Variants in RDX observed in about 807,000 individuals in gnomAD.
The protein encoded by RDX is radixin, also known as deafness, autosomal recessive 24.
In RDX, 32 loss-of-function variants were observed where a neutral mutation model predicts 83.7. The ratio of observed to expected loss-of-function variants is 0.38; its 90% CI spans 0.29 to 0.51. The LOEUF (loss-of-function observed/expected upper bound fraction) is 0.51. Among genes scored for constraint, RDX ranks in the 20% least tolerant of loss-of-function variants. RDX has a pLI of 0.87. For synonymous variants in RDX, 229 were observed against 222.7 expected (o/e 1.03, Z -0.25); for missense variants, 600 against 689.9 (o/e 0.87, Z 1.46).
intron 14 of RDX, among the ~76,000 whole-genome samples, chr11:110,211,823 G>A (rs1275008651): frequency 1.3e-4 from 20 of 151,604 alleles, no homozygotes; most frequent in Non-Finnish European, 1.9e-4. Context: ...TCTGTGAGAC[G>A]CATTCAAAGC....
intron 15 of RDX, among the ~76,000 whole-genome samples, chr11:110,177,411 G>A (rs1862797777): frequency 1.3e-5 from 2 of 152,310 alleles, no homozygotes; most frequent in South Asian, 4.1e-4. Flanking sequence ...CAGGGTTGTG[G>A]GATGTTCAGC....
At chr11:110,227,685 A>C (rs1447618059), downstream of RDX, among the ~76,000 whole-genome samples, 4 of 152,134 alleles carry the variant, frequency 2.6e-5, no homozygotes, top group Non-Finnish European at 5.9e-5. Flanking sequence ...AAGGGTCACA[A>C]TCATCCTAAT....
rs569849999 is a variant in RDX at position 110,219,697 on chromosome 11, C to A, written c.1748+12176G>T. Among the ~76,000 whole-genome samples, 3 of 152,100 alleles carry A rather than the reference C, an allele frequency of 2.0e-5. 1 individual carries two copies. Among genetic ancestry groups the A allele is most frequent in the Admixed American group, 1.3e-4 (2 of 15,266 alleles). On this transcript the variant is annotated intron_variant, in intron 14 of 15. Coordinates refer to the RDX transcript ENST00000528498. ...CTAATTAGCTGGAAGAAGGGACTTACCATTCATCAACTGAGAAGGGGAAGA... is the reference window on the plus strand; with the variant it reads ...CTAATTAGCTGGAAGAAGGGACTTAACATTCATCAACTGAGAAGGGGAAGA...
intron 2 of RDX, among the ~76,000 whole-genome samples, chr11:110,279,327 T>A (rs1435107249): frequency 6.6e-6 from 1 of 152,168 alleles, no homozygotes; most frequent in Non-Finnish European, 1.5e-5. Flanking sequence ...ACCATAGTAT[T>A]ATGGTCTGGC....
intron 14 of RDX, among the ~76,000 whole-genome samples, chr11:110,200,644 C>A (rs1391388991): frequency 6.6e-6 from 1 of 152,110 alleles, no homozygotes; most frequent in African/African-American, 2.4e-5. Flanking sequence ...GCAGTTTAAC[C>A]CATAATGAAA....
intron 1 of RDX, among the ~76,000 whole-genome samples, chr11:110,293,625 G>C (rs925239694): frequency 6.6e-5 from 10 of 152,270 alleles, no homozygotes; most frequent in Non-Finnish European, 1.2e-4. Context: ...TTTAAGGGTA[G>C]AGTCCATAGC....
At position 110,195,044 on chromosome 11, in the gene RDX, G is replaced by A. The variant is rs112655499; in HGVS notation, c.*31+4537C>T. 2.0e-3 allele frequency among the ~76,000 whole-genome samples: 300 copies of A among 152,210 alleles called. 1 individual carries two copies. Among genetic ancestry groups the A allele is most frequent in the African/African-American group, 6.9e-3 (286 of 41,522 alleles). The stretch of plus-strand genomic sequence containing the variant: ...CTCGCTTTGTCGTCCAGGCTGGAGC[G>A]CAGTGGTGCGATCTCAGCTCACTGC... On this transcript the variant is annotated intron_variant, in intron 15 of 15. Coordinates refer to the RDX transcript ENST00000528498.
intron 2 of RDX, among the ~76,000 whole-genome samples, chr11:110,274,910 T>C (rs977201692): frequency 2.0e-5 from 3 of 152,226 alleles, no homozygotes; most frequent in Non-Finnish European, 2.9e-5. Flanking sequence ...AGTGTCAGAA[T>C]TTCTCCAGAA....
chr11:110,256,816 T>TA (rs1170745425), intron 7 of RDX, among the ~76,000 whole-genome samples: 1 of 152,210 alleles, frequency 6.6e-6, no homozygotes, highest in Non-Finnish European at 1.5e-5. Flanking sequence ...TGCTTTGTAA[T>TA]AAAAACATGA....
intron 14 of RDX, among the ~76,000 whole-genome samples, chr11:110,210,313 A>G (rs1863785405): frequency 2.3e-5 from 3 of 128,838 alleles, no homozygotes; most frequent in Non-Finnish European, 4.9e-5. Flanking sequence ...GAAATGAGCA[A>G]AGCCTCCAAG....
chr11:110,270,634 CAAAG>C (rs1860265624), intron 3 of RDX, among the ~76,000 whole-genome samples: 1 of 152,120 alleles, frequency 6.6e-6, no homozygotes, highest in African/African-American at 2.4e-5. Flanking sequence ...AAAAATAAGA[CAAAG>C]AGATTAATTT....
chr11:110,178,477 A>T (rs574227976), intron 15 of RDX, among the ~76,000 whole-genome samples: 1 of 152,164 alleles, frequency 6.6e-6, no homozygotes, highest in East Asian at 1.9e-4. Context: ...CTATTACATC[A>T]GTTGGCTTCT....
At chr11:110,193,641 A>G (rs747943) in intron 15 of RDX, among the ~76,000 whole-genome samples, 63,931 of 152,084 alleles carry the variant, frequency 0.42, 13,737 homozygotes, top group East Asian at 0.61. Context: ...CCCTCTTCCA[A>G]AGAAGACACT....
chr11:110,243,838 A>G (rs1865196703), intron 10 of RDX, among the ~76,000 whole-genome samples: 1 of 152,234 alleles, frequency 6.6e-6, no homozygotes, highest in African/African-American at 2.4e-5. Context: ...ACCCATTAAG[A>G]TGACTATAAT....
intron 1 of RDX, among the ~76,000 whole-genome samples, chr11:110,284,361 T>C (rs1860891610): frequency 2.0e-5 from 3 of 152,208 alleles, no homozygotes; most frequent in African/African-American, 7.2e-5. Context: ...CAAAGTAATG[T>C]TGATACTATG....
rs138116275 is a variant in RDX at position 110,255,306 on chromosome 11, T to C, written c.778A>G (p.Ile260Val). ...TTACTTACAGGTGCCTTTTTGTCGA[T>C]TGGCTTTATAACAAATTTTTTGTCA... ...FNDKKFVIKPIDKKAPDFVFY... is the reference protein window; with the variant it reads ...FNDKKFVIKPVDKKAPDFVFY... The change falls in exon 8 of 14, where the codon ATC (isoleucine) becomes GTC (valine). Residue 260 changes from isoleucine (I) to valine (V), a missense_variant. Ile to Val is a conservative substitution (Grantham distance 29). Coordinates refer to ENST00000645495, the MANE Select transcript of RDX (RefSeq NM_002906.4). 6.1e-5 allele frequency: 96 copies of C among 1,578,278 alleles called. No individual in the cohort carries two copies. Among genetic ancestry groups the C allele is most frequent in the Admixed American group, 1.8e-4 (11 of 59,824 alleles).
intron 15 of RDX, among the ~76,000 whole-genome samples, chr11:110,190,733 G>T (rs1334317705): frequency 6.6e-6 from 1 of 152,038 alleles, no homozygotes; most frequent in Non-Finnish European, 1.5e-5. Flanking sequence ...ATCCAAATAA[G>T]CACAATCAGA....
chr11:110,226,297 T>G (rs2134285635), downstream of RDX, among the ~76,000 whole-genome samples: 1 of 152,226 alleles, frequency 6.6e-6, no homozygotes, highest in Middle Eastern at 3.4e-3. Context: ...TGCTTAGCCT[T>G]AAAAAGGAAT....
chr11:110,198,223 A>T (rs190401019), intron 15 of RDX, among the ~76,000 whole-genome samples: 1 of 152,152 alleles, frequency 6.6e-6, no homozygotes, highest in Non-Finnish European at 1.5e-5. Context: ...CTCAAGATTT[A>T]CAACATAAAC....
Sources: gnomAD v4.1 joint callset for allele counts (sites outside exome capture counted in the v4.1 genomes callset) on GRCh38, gnomAD v4.1.1 for gene constraint, MANE v1.5 for transcripts, NCBI Gene and HGNC (gene_info 2026-07-23, HGNC 2026-07-21) for gene names.